The following GALNT18 variants were observed in gnomAD, a reference collection of about 807,000 sequenced individuals.
GALNT18 encodes polypeptide N-acetylgalactosaminyltransferase 18.
In GALNT18, 44 loss-of-function variants were observed where a neutral mutation model predicts 69.5. The observed-to-expected ratio is 0.63, with a 90% confidence interval of 0.50 to 0.81. The LOEUF (loss-of-function observed/expected upper bound fraction) is 0.81. Among genes scored for constraint, GALNT18 ranks in the 40% least tolerant of loss-of-function variants. GALNT18 has a pLI of 0.00. For missense variants in GALNT18, 715 were observed against 810.0 expected (o/e 0.88, Z 1.42); for synonymous variants, 364 against 318.2 (o/e 1.14, Z -1.53).
rs1267768553 is a variant in GALNT18 at position 11,603,355 on chromosome 11, T to A, written c.235+18004A>T. ...TCTAGATCTGAGCAGATTTCTCAGC[T>A]AAAGCCTAACTGTATGTATGTGGCC... On this transcript the variant is annotated intron_variant, in intron 1 of 10. Transcript: ENST00000227756. The surrounding 1 kb of genome is among the most constrained non-coding windows in gnomAD (Gnocchi z 4.5). Among the ~76,000 whole-genome samples, 1 of 152,216 alleles carries A rather than the reference T, an allele frequency of 6.6e-6. No homozygotes were observed. The highest frequency in any genetic ancestry group is 1.9e-4 in the East Asian group (1 of 5,202).
chr11:11,362,066 A>C (rs908379032), intron 6 of GALNT18, among the ~76,000 whole-genome samples: 2 of 152,202 alleles, frequency 1.3e-5, no homozygotes, highest in African/African-American at 4.8e-5. Flanking sequence ...GTAGTTTTGC[A>C]AAACAGTGAG....
In GALNT18 at chr11:11,383,627, TCA is replaced by T. The variant is rs1442530141; in HGVS notation, c.596-4365_596-4364del. On this transcript the variant is annotated intron_variant, in intron 3 of 10. Coordinates refer to ENST00000227756, the MANE Select transcript of GALNT18 (RefSeq NM_198516.3). This position sits in a 1 kb window ranked among gnomAD's most constrained non-coding sequence, Gnocchi z 5.2. ...ATGAAGTGAGAGTTCACCCATTCAT[TCA>T]TTCATTCATTCAACAAATATTGAAC... 3.9e-5 allele frequency among the ~76,000 whole-genome samples: 6 copies of T among 152,210 alleles called. No individual in the cohort carries two copies. The highest frequency in any genetic ancestry group is 3.9e-4 in the Admixed American group (6 of 15,278).
At position 11,546,946 on chromosome 11, in the gene GALNT18, C is replaced by T. The variant is rs1454023848; in HGVS notation, c.235+74413G>A. 4.0e-5 allele frequency among the ~76,000 whole-genome samples: 6 copies of T among 150,144 alleles called. No homozygotes were observed. The East Asian group carries it at 1.2e-3, about 29-fold the overall frequency. ...TGGAATCTTCTTTTTTTTTTTTTAACTCTTGTCATTTTCATCTGATGCCTC... is the reference window on the plus strand; with the variant it reads ...TGGAATCTTCTTTTTTTTTTTTTAATTCTTGTCATTTTCATCTGATGCCTC... On this transcript the variant is annotated intron_variant, in intron 1 of 10. Transcript: ENST00000227756. This position sits in a 1 kb window ranked among gnomAD's most constrained non-coding sequence, Gnocchi z 5.8.
Position 11,459,236 on chromosome 11 carries a change from G to T in GALNT18, c.236-10300C>A, listed in dbSNP as rs1395262359. 6.6e-6 allele frequency among the ~76,000 whole-genome samples: 1 copy of T among 152,090 alleles called. No homozygotes were observed. Among genetic ancestry groups the T allele is most frequent in the African/African-American group, 2.4e-5 (1 of 41,422 alleles). On this transcript the variant is annotated intron_variant, in intron 1 of 10. Coordinates refer to ENST00000227756, the MANE Select transcript of GALNT18 (RefSeq NM_198516.3). The surrounding 1 kb of genome is among the most constrained non-coding windows in gnomAD (Gnocchi z 5.0). ...CATGAGCCGAAGGTCTTTTGCCAAT[G>T]GTCCCCACAATTAGGCTTTCTCTTC...
rs139902044 is a variant in GALNT18 at position 11,508,842 on chromosome 11, T to A, written c.236-59906A>T. On this transcript the variant is annotated intron_variant, in intron 1 of 10. Coordinates refer to ENST00000227756, the MANE Select transcript of GALNT18 (RefSeq NM_198516.3). ...TTACTCCAGCTTCACTCCATCACTG[T>A]AGATACTCTTAAATGCTATGCAAGG... 1.4e-3 allele frequency among the ~76,000 whole-genome samples: 206 copies of A among 152,340 alleles called. 1 individual carries two copies. Among genetic ancestry groups the A allele is most frequent in the African/African-American group, 4.7e-3 (195 of 41,574 alleles).
intron 1 of GALNT18, among the ~76,000 whole-genome samples, chr11:11,508,849 T>A (rs1403354062): frequency 6.6e-6 from 1 of 152,204 alleles, no homozygotes; most frequent in Admixed American, 6.5e-5. Context: ...CTGTAGATAC[T>A]CTTAAATGCT....
rs11021811 is a variant in GALNT18 at position 11,341,714 on chromosome 11, A to G, written c.1093-710T>C. 0.15 allele frequency among the ~76,000 whole-genome samples: 22,165 copies of G among 152,154 alleles called. 2,368 individuals are homozygous for G. The highest frequency in any genetic ancestry group is 0.51 in the East Asian group (2,614 of 5,152). On this transcript the variant is annotated intron_variant, in intron 6 of 10. Coordinates refer to ENST00000227756, the MANE Select transcript of GALNT18 (RefSeq NM_198516.3). The surrounding 1 kb of genome is among the most constrained non-coding windows in gnomAD (Gnocchi z 6.3). ...TCTTTCCAGCCATCCTGACCTTTCA[A>G]TGTTCCTGAACTTGCACTCTTTTGT... is the stretch of plus-strand genomic sequence containing the variant.
At chr11:11,429,332 A>C (rs957486659) in intron 3 of GALNT18, among the ~76,000 whole-genome samples, 4 of 152,146 alleles carry the variant, frequency 2.6e-5, no homozygotes, top group African/African-American at 9.7e-5. Flanking sequence ...ATGCCTACAT[A>C]TCTTACCCTC....
At chr11:11,437,851 C>T (rs1855442756) in intron 2 of GALNT18, among the ~76,000 whole-genome samples, 1 of 152,132 alleles carries the variant, frequency 6.6e-6, no homozygotes, top group African/African-American at 2.4e-5. Flanking sequence ...ACACTAGGAA[C>T]AGCATCCAGC....
rs1007890660 is a variant in GALNT18, at chr11:11,621,869, G to A, written c.-276C>T. 10 of 357,660 alleles carry A rather than the reference G, an allele frequency of 2.8e-5. No individual in the cohort carries two copies. In the Admixed American group the frequency reaches 4.5e-4, roughly 16 times the overall value. 22.2% of individuals were successfully genotyped at this position (357,660 alleles called of 1,614,324 possible). A position where few individuals can be genotyped will look rare whatever the true frequency, so the allele number is the denominator to read the frequency against. On this transcript the variant is annotated 5_prime_UTR_variant, in exon 1 of 11. Coordinates refer to ENST00000227756, the MANE Select transcript of GALNT18 (RefSeq NM_198516.3). The surrounding 1 kb of genome is among the most constrained non-coding windows in gnomAD (Gnocchi z 9.3). ...CTGAACCCTTCCTAGAGGGGTCACG[G>A]GTAGCCGGCAGCCGCGCGTCCAGAT...
intron 1 of GALNT18, among the ~76,000 whole-genome samples, chr11:11,481,754 G>T (rs1856536124): frequency 6.6e-6 from 1 of 152,146 alleles, no homozygotes; most frequent in African/African-American, 2.4e-5. Context: ...GCAAAGCACA[G>T]ATAGCACGAC....
In GALNT18 at chr11:11,415,255, C is replaced by G. The variant is rs1854829471; in HGVS notation, c.595+17366G>C. 6.6e-6 allele frequency among the ~76,000 whole-genome samples: 1 copy of G among 152,122 alleles called. No individual in the cohort carries two copies. ...GACCTTAATTACGTCAGCCAATTCCCCTCACAGCAGGACTCAGATTAGTAT... is the reference window on the plus strand; with the variant it reads ...GACCTTAATTACGTCAGCCAATTCCGCTCACAGCAGGACTCAGATTAGTAT... On this transcript the variant is annotated intron_variant, in intron 3 of 10. Coordinates refer to ENST00000227756, the MANE Select transcript of GALNT18 (RefSeq NM_198516.3). This position sits in a 1 kb window ranked among gnomAD's most constrained non-coding sequence, Gnocchi z 4.1.
Position 11,436,953 on chromosome 11 carries a change from C to T in GALNT18, c.429-4166G>A, listed in dbSNP as rs768359283. Among the ~76,000 whole-genome samples the T allele has an allele frequency of 6.6e-6, 1 of 152,206 alleles. No homozygotes were observed. The highest frequency in any genetic ancestry group is 1.5e-5 in the Non-Finnish European group (1 of 68,026). On this transcript the variant is annotated intron_variant, in intron 2 of 10. Coordinates refer to ENST00000227756, the MANE Select transcript of GALNT18 (RefSeq NM_198516.3). This position sits in a 1 kb window ranked among gnomAD's most constrained non-coding sequence, Gnocchi z 4.5. ...GCACTGACCCAGTGGCCTTTGCTCC[C>T]AAATCTGTACTGCTAAGATGCCCTC...
intron 3 of GALNT18, among the ~76,000 whole-genome samples, chr11:11,401,322 T>C (rs1045367576): frequency 6.6e-6 from 1 of 152,192 alleles, no homozygotes; most frequent in Non-Finnish European, 1.5e-5. Context: ...CACAAACTCA[T>C]GATCAACCTC....
At chr11:11,376,131 C>A (rs921059702) in intron 5 of GALNT18, among the ~76,000 whole-genome samples, 29 of 152,240 alleles carry the variant, frequency 1.9e-4, no homozygotes, top group African/African-American at 6.5e-4. Context: ...GCCTGTAATC[C>A]CAGCACTTTG....
intron 6 of GALNT18, among the ~76,000 whole-genome samples, chr11:11,345,722 G>A (rs889645785): frequency 1.2e-4 from 18 of 152,116 alleles, no homozygotes; most frequent in African/African-American, 3.4e-4. Context: ...CTGAGCTCTC[G>A]TAGACAGAGA....
chr11:11,616,365 G>A lies in GALNT18; in HGVS notation c.235+4994C>T, dbSNP rs1344721157. 6.6e-6 allele frequency among the ~76,000 whole-genome samples: 1 copy of A among 152,182 alleles called. No individual in the cohort carries two copies. Among genetic ancestry groups the A allele is most frequent in the Non-Finnish European group, 1.5e-5 (1 of 68,040 alleles). On this transcript the variant is annotated intron_variant, in intron 1 of 10. Transcript: ENST00000227756. This position sits in a 1 kb window ranked among gnomAD's most constrained non-coding sequence, Gnocchi z 4.4. Reference sequence around the variant, plus strand: ...GTACAATAAGACACTGTTGGTGGCTGTAAAGAAAGCCTTTCCTTCTGAAAA... The same window carrying A: ...GTACAATAAGACACTGTTGGTGGCTATAAAGAAAGCCTTTCCTTCTGAAAA...
Position 11,602,365 on chromosome 11 carries a change from C to A in GALNT18, c.235+18994G>T, listed in dbSNP as rs1369504001. ...GGCAGCCCCAGACCACTCAACCATGCTCTGCAACACAGAGCTGGGAGACAT... is the reference window on the plus strand; with the variant it reads ...GGCAGCCCCAGACCACTCAACCATGATCTGCAACACAGAGCTGGGAGACAT... On this transcript the variant is annotated intron_variant, in intron 1 of 10. Coordinates refer to ENST00000227756, the MANE Select transcript of GALNT18 (RefSeq NM_198516.3). This position sits in a 1 kb window ranked among gnomAD's most constrained non-coding sequence, Gnocchi z 4.7. 3.3e-5 allele frequency among the ~76,000 whole-genome samples: 5 copies of A among 152,172 alleles called. No individual in the cohort carries two copies. Among genetic ancestry groups the A allele is most frequent in the Non-Finnish European group, 5.9e-5 (4 of 68,036 alleles).
chr11:11,336,913 A>C (rs896909290), intron 7 of GALNT18, among the ~76,000 whole-genome samples: 1 of 152,192 alleles, frequency 6.6e-6, no homozygotes, highest in African/African-American at 2.4e-5. Context: ...AAGAGAGAAT[A>C]GAAGAGGGGC....
Sources: allele counts gnomAD v4.1 joint callset (sites outside exome capture counted in the v4.1 genomes callset), GRCh38; gene constraint gnomAD v4.1.1; non-coding constraint Gnocchi (gnomAD v3.1); transcripts MANE v1.5; gene names NCBI Gene and HGNC (gene_info 2026-07-23, HGNC 2026-07-21).